The following KATNIP variants were observed in gnomAD, a reference collection of about 807,000 sequenced individuals.
KATNIP encodes the protein katanin interacting protein.
A neutral mutation model predicts 174.0 loss-of-function variants in KATNIP; 126 were observed. The observed-to-expected ratio is 0.72, with a 90% confidence interval of 0.63 to 0.84. The LOEUF (loss-of-function observed/expected upper bound fraction) is 0.84. Ranked by LOEUF, KATNIP falls within the 40% of genes least tolerant of loss-of-function variation. The pLI is 0.00. For synonymous variants in KATNIP, 810 were observed against 835.7 expected (o/e 0.97, Z 0.53); for missense variants, 1,958 against 2,109.7 (o/e 0.93, Z 1.41).
intron 3 of KATNIP, among the ~76,000 whole-genome samples, chr16:27,625,657 A>G (rs2076310171): frequency 6.6e-6 from 1 of 152,210 alleles, no homozygotes; most frequent in South Asian, 2.1e-4. Context: ...GAAAAGATGA[A>G]TGTATCAGCT....
intron 23 of KATNIP, 58 bp downstream of exon 23, chr16:27,773,267 C>A: frequency 1.6e-6 from 2 of 1,218,716 alleles, no homozygotes; most frequent in Non-Finnish European, 2.4e-6. Context: ...ATGGGAGGGT[C>A]GGGAACGGGG....
intron 13 of KATNIP, among the ~76,000 whole-genome samples, chr16:27,713,761 GTATATGTATATATACACATATTATATA>G: frequency 7.4e-6 from 1 of 135,072 alleles, no homozygotes; most frequent in African/African-American, 2.7e-5. Context: ...ATATGTGTGT[GTATATGTATATATACACATATTATATA>G]TGTGTGTGTG....
chr16:27,589,645 A>G (rs1326723911), intron 2 of KATNIP, among the ~76,000 whole-genome samples: 1 of 152,090 alleles, frequency 6.6e-6, no homozygotes, highest in Non-Finnish European at 1.5e-5. Context: ...AGCTTTTTAT[A>G]TTTTTGCCAG....
At chr16:27,653,838 T>A (rs180873051) in intron 6 of KATNIP, among the ~76,000 whole-genome samples, 4 of 152,016 alleles carry the variant, frequency 2.6e-5, no homozygotes, top group Admixed American at 2.6e-4. Context: ...GTTGGGGAGT[T>A]TTTTGGTAGA....
At position 27,572,798 on chromosome 16, in the gene KATNIP, T is replaced by C. The variant is rs922354906; in HGVS notation, c.8-1103T>C. 4.6e-5 allele frequency among the ~76,000 whole-genome samples: 7 copies of C among 152,340 alleles called. No individual in the cohort carries two copies. In the East Asian group the frequency reaches 1.3e-3, roughly 29 times the overall value. Reference sequence around the variant, plus strand: ...TGTCTTCTCCCATACCATGATACTGTATGATCCATGCCCTCCTGTAAATTC... The same window carrying C: ...TGTCTTCTCCCATACCATGATACTGCATGATCCATGCCCTCCTGTAAATTC... On this transcript the variant is annotated intron_variant, in intron 1 of 27. Transcript: ENST00000261588.
chr16:27,662,023 C>T (rs8053714), intron 6 of KATNIP, among the ~76,000 whole-genome samples: 5 of 8,858 alleles, frequency 5.6e-4, no homozygotes, highest in Non-Finnish European at 8.9e-4. Context: ...TATACACATA[C>T]ATATATATAT....
At chr16:27,640,449 G>A (rs2076759049) in intron 5 of KATNIP, among the ~76,000 whole-genome samples, 1 of 152,178 alleles carries the variant, frequency 6.6e-6, no homozygotes, top group South Asian at 2.1e-4. Flanking sequence ...CCTTCCGTGT[G>A]GGCAGGGCTG....
At chr16:27,710,340 G>A (rs888466648) in intron 13 of KATNIP, among the ~76,000 whole-genome samples, 2 of 152,116 alleles carry the variant, frequency 1.3e-5, no homozygotes, top group Non-Finnish European at 2.9e-5. Flanking sequence ...CTGAACGATG[G>A]AGCAGGACTC....
intron 13 of KATNIP, among the ~76,000 whole-genome samples, chr16:27,717,809 C>T (rs2080025361): frequency 6.6e-6 from 1 of 152,046 alleles, no homozygotes; most frequent in Admixed American, 6.5e-5. Flanking sequence ...GAAATAGAAG[C>T]CCCCCAGGAG....
chr16:27,589,617 T>A (rs1209685978), intron 2 of KATNIP, among the ~76,000 whole-genome samples: 1 of 152,204 alleles, frequency 6.6e-6, no homozygotes, highest in Non-Finnish European at 1.5e-5. Flanking sequence ...TTTCTAATTG[T>A]ATGGAATAGT....
rs570152956 is a variant in KATNIP, at chr16:27,747,571, G to C, written c.2624-2013G>C. ...CCAGCTTCAGCACCACCAGTTTAAA[G>C]AGTGCCCCTCCTTGAGGCCAGCTTG... is the stretch of plus-strand genomic sequence containing the variant. On this transcript the variant is annotated intron_variant, in intron 15 of 27. Coordinates refer to ENST00000261588, the MANE Select transcript of KATNIP (RefSeq NM_015202.5). Among the ~76,000 whole-genome samples the C allele has an allele frequency of 3.3e-4, 51 of 152,318 alleles. No individual in the cohort carries two copies. The South Asian group carries it at 8.9e-3, about 27-fold the overall frequency.
chr16:27,737,638 G>A (rs1036996097), intron 14 of KATNIP, among the ~76,000 whole-genome samples: 5 of 152,186 alleles, frequency 3.3e-5, no homozygotes, highest in African/African-American at 4.8e-5. Context: ...CCCAGGAGTC[G>A]GGCAGGCTCA....
chr16:27,699,747 T>G (rs1597211025), intron 10 of KATNIP, 148 bp downstream of exon 10: 1 of 1,016,500 alleles, frequency 9.8e-7, no homozygotes, highest in East Asian at 2.6e-5. Flanking sequence ...TCCTACCAGG[T>G]CCTCACTGTG....
chr16:27,704,874 G>A (rs1329876069), intron 12 of KATNIP, among the ~76,000 whole-genome samples: 4 of 151,564 alleles, frequency 2.6e-5, no homozygotes, highest in East Asian at 1.9e-4. Flanking sequence ...TAGGATTAAC[G>A]GTGATTCGAT....
At chr16:27,654,709 G>A in intron 6 of KATNIP, 1 of 1,351,964 alleles carries the variant, frequency 7.4e-7, no homozygotes, top group African/African-American at 1.5e-5. Context: ...ACAAAGAAAG[G>A]ATCCTCTTAA....
intron 6 of KATNIP, among the ~76,000 whole-genome samples, chr16:27,650,800 G>A (rs933317222): frequency 1.3e-5 from 2 of 152,196 alleles, no homozygotes; most frequent in African/African-American, 2.4e-5. Flanking sequence ...TATAAAAGTC[G>A]TTTTCTATGG....
At chr16:27,703,308 G>T (rs2079172813) in intron 11 of KATNIP, among the ~76,000 whole-genome samples, 1 of 152,130 alleles carries the variant, frequency 6.6e-6, no homozygotes, top group South Asian at 2.1e-4. Flanking sequence ...GGCCTTGGGG[G>T]TACCCAGCCT....
intron 13 of KATNIP, chr16:27,718,336 C>T (rs915821182): frequency 6.6e-6 from 1 of 152,252 alleles, no homozygotes; most frequent in African/African-American, 2.4e-5. Context: ...TTCCTTACCC[C>T]CTGTGTTGGG....
rs998674332 is a variant in KATNIP, at chr16:27,706,577, G to A, written c.1390-2128G>A. On this transcript the variant is annotated intron_variant, in intron 12 of 27. Coordinates refer to ENST00000261588, the MANE Select transcript of KATNIP (RefSeq NM_015202.5). ...CACCGCCAAGTGGGATCCCAAATTG[G>A]GCAGTGCAGAAGCAGGAGGAGCCAC... Among the ~76,000 whole-genome samples, 64 of 152,338 alleles carry A rather than the reference G, an allele frequency of 4.2e-4. No homozygotes were observed. The Middle Eastern group carries it at 0.017, about 40-fold the overall frequency.
Sources: gnomAD v4.1 joint callset for allele counts (sites outside exome capture counted in the v4.1 genomes callset) on GRCh38, gnomAD v4.1.1 for gene constraint, MANE v1.5 for transcripts, NCBI Gene and HGNC (gene_info 2026-07-23, HGNC 2026-07-21) for gene names.